The following ABCB4 variants were observed in gnomAD, a reference collection of about 807,000 sequenced individuals.
The protein encoded by ABCB4 is phosphatidylcholine translocator ABCB4.
ABCB4 carries 76 observed loss-of-function variants against 145.7 expected under a neutral mutation model. The observed-to-expected ratio is 0.52, with a 90% confidence interval of 0.43 to 0.63. ABCB4 has a LOEUF of 0.63. Among genes scored for constraint, ABCB4 ranks in the 30% least tolerant of loss-of-function variants. The pLI is 0.00. For missense variants in ABCB4, 1,234 were observed against 1,553.1 expected, an observed-to-expected ratio of 0.79 and a Z score of 3.45; for synonymous variants, 517 against 566.8, an observed-to-expected ratio of 0.91 and a Z score of 1.25.
rs543205015 is a variant in ABCB4, at chr7:87,410,012, C to A, written c.2925-620G>T. Among the ~76,000 whole-genome samples the A allele has an allele frequency of 3.3e-5, 5 of 152,212 alleles. No individual in the cohort carries two copies. The South Asian group carries it at 1.0e-3, about 32-fold the overall frequency. On this transcript the variant is annotated intron_variant, in intron 23 of 27. Transcript: ENST00000649586. The stretch of plus-strand genomic sequence containing the variant: ...GTGATGACATGGTCTGTACACCAAA[C>A]CCCCATGACATGAGTTTGCCTGTAT...
At chr7:87,402,857 G>A (rs1455549690) in intron 27 of ABCB4, among the ~76,000 whole-genome samples, 1 of 151,998 alleles carries the variant, frequency 6.6e-6, no homozygotes, top group Non-Finnish European at 1.5e-5. Flanking sequence ...AAATTAGCTG[G>A]GCATAGTGGC....
Position 87,439,716 on chromosome 7 carries a change from G to A in ABCB4, c.1682C>T (p.Ser561Leu). 2 of 1,614,134 alleles carry A rather than the reference G, an allele frequency of 1.2e-6. No individual in the cohort carries two copies. The change falls in exon 14 of 28, where the codon TCA (serine) becomes TTA (leucine). Residue 561 changes from serine (S) to leucine (L), a missense_variant. This residue lies in a region of ABCB4 where 467 missense variants were observed against 632.8 expected (regional missense o/e 0.74). Transcript: ENST00000649586. ...AGCTTCACTTTCTGTGTCCAATGCT[G>A]ACGTGGCCTCATCCAGCAGAAGGAT... ...PKILLLDEATSALDTESEAEV... is the reference protein window; with the variant it reads ...PKILLLDEATLALDTESEAEV...
chr7:87,449,909 A>C, intron 8 of ABCB4, 59 bp downstream of exon 8: 1 of 1,613,646 alleles, frequency 6.2e-7, no homozygotes, highest in Non-Finnish European at 8.5e-7. Flanking sequence ...ACCACAAAGA[A>C]GAAGCAACAA....
At chr7:87,392,648 C>G in the ABCB4 span, 2 of 1,612,316 alleles carry the variant, frequency 1.2e-6, no homozygotes, top group Non-Finnish European at 1.7e-6. Context: ...GGAAAAGGTA[C>G]TTAAGTTAAA....
chr7:87,381,220 G>A, the ABCB4 span, among the ~76,000 whole-genome samples: 4 of 152,142 alleles, frequency 2.6e-5, no homozygotes, highest in South Asian at 2.1e-4. Context: ...ACAAGGAACC[G>A]TCTGATGTAA....
chr7:87,451,976 A>G (rs1811765365), intron 6 of ABCB4, among the ~76,000 whole-genome samples, 182 bp from the exon 7 acceptor site: 1 of 152,238 alleles, frequency 6.6e-6, no homozygotes, highest in South Asian at 2.1e-4. Context: ...GAAATTCAGG[A>G]TTGATCAATG....
At position 87,475,285 on chromosome 7, in the gene ABCB4, C is replaced by T. The variant is rs559711712; in HGVS notation, c.80+101G>A. 186 of 1,411,374 alleles carry T rather than the reference C, an allele frequency of 1.3e-4. No individual in the cohort carries two copies. In the African/African-American group the frequency reaches 2.4e-3, roughly 18 times the overall value. The allele number at this position is 1,411,374 out of a possible 1,614,324, so 87.4% of individuals were successfully genotyped here. On this transcript the variant is annotated intron_variant, in intron 2 of 27. Coordinates refer to ENST00000649586, the MANE Select transcript of ABCB4 (RefSeq NM_000443.4). The stretch of plus-strand genomic sequence containing the variant: ...TCAAAGAAGCCTCCAAAACAAAGGT[C>T]TTCAAAGGCATCAACCGATTTTTAC...
At chr7:87,432,495 C>G (rs1810311135) in intron 14 of ABCB4, among the ~76,000 whole-genome samples, 1 of 152,164 alleles carries the variant, frequency 6.6e-6, no homozygotes, top group Admixed American at 6.5e-5. Flanking sequence ...AATTGGCAAA[C>G]AGATTTAAAA....
intron 14 of ABCB4, 152 bp downstream of exon 14, chr7:87,439,515 T>G (rs1403365292): frequency 4.2e-6 from 4 of 954,752 alleles, no homozygotes; most frequent in South Asian, 2.7e-5. Flanking sequence ...CTGAAGACAA[T>G]GTAACCTGAC....
At chr7:87,422,740 C>T (rs1809536692) in intron 17 of ABCB4, among the ~76,000 whole-genome samples, 3 of 152,178 alleles carry the variant, frequency 2.0e-5, no homozygotes, top group Admixed American at 2.0e-4. Flanking sequence ...TCCTGAGCAT[C>T]CTATCTGAAA....
intron 5 of ABCB4, among the ~76,000 whole-genome samples, chr7:87,453,987 G>T (rs896584326): frequency 6.6e-6 from 1 of 152,046 alleles, no homozygotes; most frequent in African/African-American, 2.4e-5. Context: ...AACGAATTTG[G>T]AATGTTTTAC....
Position 87,431,514 on chromosome 7 carries a change from G to T in ABCB4, c.1783C>A (p.Arg595=), listed in dbSNP as rs148792791. 3 of 1,613,916 alleles carry T rather than the reference G, an allele frequency of 1.9e-6. No homozygotes were observed. Among genetic ancestry groups the T allele is most frequent in the Non-Finnish European group, 2.5e-6 (3 of 1,179,978 alleles). Reference sequence around the variant, plus strand: ...AACCCAGCGATGACATCTGCATTTCGGACCGTAGACAGTCGGTGTGCTATC... The same window carrying T: ...AACCCAGCGATGACATCTGCATTTCTGACCGTAGACAGTCGGTGTGCTATC... ...IVIAHRLSTV[R]NADVIAGFED... The change falls in exon 15 of 28, where the codon CGA becomes AGA. Residue 595 remains arginine (R), a synonymous_variant. Coordinates refer to ENST00000649586, the MANE Select transcript of ABCB4 (RefSeq NM_000443.4).
intron 3 of ABCB4, among the ~76,000 whole-genome samples, chr7:87,468,965 T>C (rs1318375984): frequency 6.6e-6 from 1 of 150,688 alleles, no homozygotes. Flanking sequence ...TAAAATAAAA[T>C]AAAATAAAAT....
intron 9 of ABCB4, among the ~76,000 whole-genome samples, chr7:87,445,270 G>T (rs1488922158): frequency 1.3e-5 from 2 of 152,092 alleles, no homozygotes; most frequent in Admixed American, 1.3e-4. Flanking sequence ...TTTTCAGTCA[G>T]TATTATTATT....
chr7:87,383,372 C>T, the ABCB4 span, among the ~76,000 whole-genome samples: 1 of 152,028 alleles, frequency 6.6e-6, no homozygotes, highest in Non-Finnish European at 1.5e-5. Context: ...ATTTGTCTTT[C>T]TATTTCTGGA....
chr7:87,433,835 G>A (rs1456188330), intron 14 of ABCB4, among the ~76,000 whole-genome samples: 1 of 151,986 alleles, frequency 6.6e-6, no homozygotes. Context: ...ACAAAGGGAG[G>A]ACTAATCTAC....
At chr7:87,417,778 A>G (rs542129300) in intron 20 of ABCB4, among the ~76,000 whole-genome samples, 54 of 152,306 alleles carry the variant, frequency 3.5e-4, no homozygotes, top group Middle Eastern at 6.8e-3. Flanking sequence ...TGCTTTGTGG[A>G]TGGGCACTGG....
chr7:87,391,784 A>C, the ABCB4 span: 3 of 1,454,758 alleles, frequency 2.1e-6, no homozygotes. Context: ...TCTTTGAGTA[A>C]CTAACTTCTT....
rs200043060 is a variant in ABCB4 at position 87,440,193 on chromosome 7, C to T, written c.1560+6G>A. The T allele has an allele frequency of 3.6e-5, 58 of 1,612,980 alleles. No homozygotes were observed. The East Asian group carries it at 1.3e-3, about 35-fold the overall frequency. ...TCAAGGACAACTACTTTATCAGAGG[C>T]TTTACCTGTGGTAATTTCATGATAA... is the stretch of plus-strand genomic sequence containing the variant. On this transcript the variant is annotated splice_donor_region_variant and intron_variant, in intron 13 of 27. Coordinates refer to ENST00000649586, the MANE Select transcript of ABCB4 (RefSeq NM_000443.4).
Sources: allele counts gnomAD v4.1 joint callset (sites outside exome capture counted in the v4.1 genomes callset), GRCh38; gene constraint gnomAD v4.1.1; regional missense constraint gnomAD v4.1.1; transcripts MANE v1.5; gene names NCBI Gene and HGNC (gene_info 2026-07-23, HGNC 2026-07-21).